Variants in TMEM17 observed in about 807,000 individuals in gnomAD.
TMEM17 encodes the protein transmembrane protein 17.
In TMEM17, 15 loss-of-function variants were observed where a neutral mutation model predicts 19.1. That is an observed-to-expected ratio of 0.78 (90% confidence interval 0.52 to 1.21). The LOEUF (loss-of-function observed/expected upper bound fraction) is 1.21, where lower values mean the gene tolerates loss of function less well. Ranked by LOEUF, TMEM17 falls within the 50% of genes most tolerant of loss-of-function variation. The pLI is 0.00. For missense variants in TMEM17, 245 were observed against 242.3 expected (o/e 1.01, Z -0.07); for synonymous variants, 103 against 86.9 (o/e 1.19, Z -1.03).
chr2:62,471,646 G>A, the TMEM17 span, among the ~76,000 whole-genome samples: 2 of 152,234 alleles, frequency 1.3e-5, no homozygotes, highest in African/African-American at 2.4e-5. Context: ...CACCTATCCT[G>A]AAGGAGTGCT....
the TMEM17 span, among the ~76,000 whole-genome samples, chr2:62,462,427 G>C: frequency 3.3e-5 from 5 of 152,212 alleles, no homozygotes; most frequent in Non-Finnish European, 7.4e-5. Flanking sequence ...TCCCATTCTG[G>C]CTTGGTCTAC....
chr2:62,467,680 G>A, the TMEM17 span, among the ~76,000 whole-genome samples: 1 of 152,184 alleles, frequency 6.6e-6, no homozygotes, highest in Non-Finnish European at 1.5e-5. Flanking sequence ...CAGCGGCTCT[G>A]TTTTCTGGCT....
chr2:62,484,733 A>G, the TMEM17 span, among the ~76,000 whole-genome samples: 3 of 152,076 alleles, frequency 2.0e-5, no homozygotes, highest in African/African-American at 4.8e-5. Flanking sequence ...GAGGGTTTTG[A>G]TATGTTCTCA....
the TMEM17 span, among the ~76,000 whole-genome samples, chr2:62,470,047 C>T: frequency 3.3e-5 from 5 of 152,202 alleles, no homozygotes; most frequent in South Asian, 2.1e-4. Flanking sequence ...AAGAAAAGTT[C>T]ACCCCTGAGC....
the TMEM17 span, among the ~76,000 whole-genome samples, chr2:62,477,442 C>T: frequency 6.6e-6 from 1 of 152,110 alleles, no homozygotes; most frequent in Non-Finnish European, 1.5e-5. Context: ...TGATGGTCAA[C>T]CAGAAGAGGC....
At chr2:62,499,880 G>A (rs530191696), downstream of TMEM17, among the ~76,000 whole-genome samples, 3 of 152,292 alleles carry the variant, frequency 2.0e-5, no homozygotes, top group African/African-American at 7.2e-5. Flanking sequence ...AAGCAACTTT[G>A]TTCTTAACCA....
At chr2:62,462,573 A>T in the TMEM17 span, among the ~76,000 whole-genome samples, 1 of 152,202 alleles carries the variant, frequency 6.6e-6, no homozygotes, top group Non-Finnish European at 1.5e-5. Flanking sequence ...CAGTATTTGA[A>T]TTATAGATAA....
the TMEM17 span, among the ~76,000 whole-genome samples, chr2:62,487,917 A>G: frequency 2.0e-5 from 3 of 152,116 alleles, no homozygotes; most frequent in African/African-American, 7.2e-5. Flanking sequence ...CTGGTCTCGA[A>G]CTCCTGACCT....
chr2:62,487,723 C>G, the TMEM17 span, among the ~76,000 whole-genome samples: 2 of 152,242 alleles, frequency 1.3e-5, no homozygotes, highest in Non-Finnish European at 2.9e-5. Flanking sequence ...GAGACGAAGT[C>G]TCGCTCTGTC....
chr2:62,460,143 A>C, the TMEM17 span, among the ~76,000 whole-genome samples: 1 of 152,344 alleles, frequency 6.6e-6, no homozygotes, highest in East Asian at 1.9e-4. Flanking sequence ...AATCAGGCCA[A>C]GGTACTGTGT....
chr2:62,492,870 G>A, the TMEM17 span, among the ~76,000 whole-genome samples: 7 of 152,176 alleles, frequency 4.6e-5, no homozygotes, highest in Non-Finnish European at 8.8e-5. Context: ...GAGCAGTTTG[G>A]AGGGAAAGTC....
At chr2:62,468,860 C>T in the TMEM17 span, among the ~76,000 whole-genome samples, 1 of 152,210 alleles carries the variant, frequency 6.6e-6, no homozygotes, top group Non-Finnish European at 1.5e-5. Flanking sequence ...GTAGCTAGAG[C>T]TAGCAGAGTT....
At chr2:62,453,565 T>C in the TMEM17 span, among the ~76,000 whole-genome samples, 1 of 152,238 alleles carries the variant, frequency 6.6e-6, no homozygotes, top group Non-Finnish European at 1.5e-5. Flanking sequence ...CCACTGTCTA[T>C]GCCAGGCTGC....
At chr2:62,490,350 A>G in the TMEM17 span, among the ~76,000 whole-genome samples, 1 of 152,112 alleles carries the variant, frequency 6.6e-6, no homozygotes, top group Non-Finnish European at 1.5e-5. Flanking sequence ...CGCAGCCTCA[A>G]CCACCCAGGC....
At chr2:62,504,090 T>C (rs1199277426) in intron 1 of TMEM17, among the ~76,000 whole-genome samples, 3 of 152,242 alleles carry the variant, frequency 2.0e-5, no homozygotes, top group Non-Finnish European at 4.4e-5. Context: ...TTTTCTCCTT[T>C]TCTCCATAGC....
At chr2:62,475,677 C>A in the TMEM17 span, among the ~76,000 whole-genome samples, 1 of 152,352 alleles carries the variant, frequency 6.6e-6, no homozygotes, top group African/African-American at 2.4e-5. Flanking sequence ...AGAATGGGCT[C>A]TCTCTGGGCA....
chr2:62,474,920 A>G, the TMEM17 span, among the ~76,000 whole-genome samples: 10 of 152,304 alleles, frequency 6.6e-5, no homozygotes, highest in African/African-American at 2.4e-4. Context: ...ATTGATAATG[A>G]AACTAAAAAC....
At chr2:62,485,745 C>A in the TMEM17 span, among the ~76,000 whole-genome samples, 4 of 152,164 alleles carry the variant, frequency 2.6e-5, no homozygotes, top group South Asian at 2.1e-4. Flanking sequence ...TTGGAGACAC[C>A]AACAGAAGAC....
At chr2:62,484,725 G>C in the TMEM17 span, among the ~76,000 whole-genome samples, 1 of 152,170 alleles carries the variant, frequency 6.6e-6, no homozygotes, top group South Asian at 2.1e-4. Context: ...TTCTATTTGA[G>C]GGTTTTGATA....
Sources: gnomAD v4.1 joint callset for allele counts (sites outside exome capture counted in the v4.1 genomes callset) on GRCh38, gnomAD v4.1.1 for gene constraint, MANE v1.5 for transcripts, NCBI Gene and HGNC (gene_info 2026-07-23, HGNC 2026-07-21) for gene names.